Variants in TAF3 observed in about 807,000 individuals in gnomAD.
The protein encoded by TAF3 is TATA-box binding protein associated factor 3.
Under a neutral mutation model 80.6 loss-of-function variants are expected in TAF3, and 7 were observed. The ratio of observed to expected loss-of-function variants is 0.09; its 90% CI spans 0.05 to 0.16. TAF3 has a LOEUF of 0.16. Ranked by LOEUF, TAF3 falls within the 10% of genes least tolerant of loss-of-function variation. The pLI is 1.00. For synonymous variants in TAF3, 444 were observed against 446.1 expected, an observed-to-expected ratio of 1.00 and a Z score of 0.06; for missense variants, 921 against 1,140.2, an observed-to-expected ratio of 0.81 and a Z score of 2.77.
rs191306293 is a variant in TAF3, at chr10:7,884,504, A to G, written c.409+59944A>G. On this transcript the variant is annotated intron_variant, in intron 2 of 6. Coordinates refer to ENST00000344293, the MANE Select transcript of TAF3 (RefSeq NM_031923.4). ...TGGGTTCAGGCGATTCTCCTGTCTC[A>G]GCCTCCCGAGTAGCTAGGATTATAG... Among the ~76,000 whole-genome samples, 592 of 149,130 alleles carry G rather than the reference A, an allele frequency of 4.0e-3. 12 individuals carry two copies. Among genetic ancestry groups the G allele is most frequent in the East Asian group, 5.1e-3 (25 of 4,940 alleles).
chr10:8,003,027 A>AGCTATATATATATATATATATATATATAT (rs1178979462), intron 4 of TAF3, among the ~76,000 whole-genome samples: 5 of 152,242 alleles, frequency 3.3e-5, no homozygotes, highest in Non-Finnish European at 5.9e-5. Flanking sequence ...ATAGCCTCTC[A>AGCTATATATATATATATATATATATATAT]CTTTCAGCCC....
At chr10:7,858,406 A>T (rs1283341824) in intron 2 of TAF3, among the ~76,000 whole-genome samples, 1 of 152,142 alleles carries the variant, frequency 6.6e-6, no homozygotes, top group Non-Finnish European at 1.5e-5. Flanking sequence ...AACCTCCTGG[A>T]TGATACAATC....
In TAF3 at chr10:7,964,666, A is replaced by T; in HGVS notation, c.1156A>T (p.Thr386Ser). Residue 386 changes from threonine (T) to serine (S), a missense_variant, in exon 3 of 7, where the codon ACG becomes TCG. This residue lies in a region of TAF3 where 743 missense variants were observed against 821.0 expected (regional missense o/e 0.90). Coordinates refer to ENST00000344293, the MANE Select transcript of TAF3 (RefSeq NM_031923.4). This position sits in a 1 kb window ranked among gnomAD's most constrained non-coding sequence, Gnocchi z 4.1. ...QPKKAVVADKTIEASIDAVIA... is the reference protein window; with the variant it reads ...QPKKAVVADKSIEASIDAVIA... ...GAAAAAGGCTGTGGTAGCAGATAAA[A>T]CGATTGAGGCCTCTATCGATGCTGT... 6.2e-7 allele frequency: 1 copy of T among 1,614,130 alleles called. No individual in the cohort carries two copies. Among genetic ancestry groups the T allele is most frequent in the Non-Finnish European group, 8.5e-7 (1 of 1,180,022 alleles).
intron 2 of TAF3, among the ~76,000 whole-genome samples, chr10:7,853,512 A>T (rs543111898): frequency 6.6e-6 from 1 of 152,356 alleles, no homozygotes; most frequent in Admixed American, 6.5e-5. Context: ...CATTGTAAGT[A>T]GTACCAAAAA....
intron 2 of TAF3, among the ~76,000 whole-genome samples, chr10:7,952,778 T>G (rs1185904703): frequency 2.0e-5 from 3 of 152,210 alleles, no homozygotes; most frequent in Non-Finnish European, 4.4e-5. Context: ...CCTAATTGTC[T>G]TGTCTTTGCT....
At chr10:7,828,327 G>C (rs1265760370) in intron 2 of TAF3, among the ~76,000 whole-genome samples, 3 of 152,212 alleles carry the variant, frequency 2.0e-5, no homozygotes, top group Non-Finnish European at 4.4e-5. Flanking sequence ...AGCTGGGCTG[G>C]ATAGGTACTT....
chr10:7,948,028 G>A (rs1177596188), intron 2 of TAF3, among the ~76,000 whole-genome samples: 2 of 151,506 alleles, frequency 1.3e-5, no homozygotes, highest in Admixed American at 6.6e-5. Flanking sequence ...ATTGTCTCAA[G>A]TGGTTTTATT....
rs189719367 is a variant in TAF3 at position 7,844,490 on chromosome 10, C to T, written c.409+19930C>T. On this transcript the variant is annotated intron_variant, in intron 2 of 6. Transcript: ENST00000344293. ...CTCCTGGGTTCAAGCGATTCCCCTG[C>T]CTCAGCCTCCTGAGTAGTTGGGATT... 1.2e-3 allele frequency among the ~76,000 whole-genome samples: 187 copies of T among 151,698 alleles called. 1 individual carries two copies. The highest frequency in any genetic ancestry group is 9.9e-4 in the Non-Finnish European group (67 of 67,968).
At chr10:7,963,060 A>T (rs1005475237) in intron 2 of TAF3, among the ~76,000 whole-genome samples, 1 of 152,204 alleles carries the variant, frequency 6.6e-6, no homozygotes, top group African/African-American at 2.4e-5. Flanking sequence ...ACTCTAGCCG[A>T]AAAACCATTT....
At chr10:7,932,704 G>T (rs1342439854) in intron 2 of TAF3, among the ~76,000 whole-genome samples, 4 of 130,290 alleles carry the variant, frequency 3.1e-5, no homozygotes, top group African/African-American at 9.5e-5. Flanking sequence ...TGGAGAGAGG[G>T]TCTTGCTCTG....
At chr10:7,915,710 G>T (rs544028282) in intron 2 of TAF3, among the ~76,000 whole-genome samples, 1 of 151,732 alleles carries the variant, frequency 6.6e-6, no homozygotes, top group Non-Finnish European at 1.5e-5. Context: ...GGGCGCAGTG[G>T]CTCACGCTTG....
At chr10:7,864,046 A>C (rs1837184522) in intron 2 of TAF3, among the ~76,000 whole-genome samples, 1 of 152,100 alleles carries the variant, frequency 6.6e-6, no homozygotes, top group Admixed American at 6.6e-5. Flanking sequence ...ATCCTAAGCC[A>C]GTGTGGTAGG....
At chr10:7,917,308 G>A (rs370450539) in intron 2 of TAF3, among the ~76,000 whole-genome samples, 70 of 152,320 alleles carry the variant, frequency 4.6e-4, no homozygotes, top group African/African-American at 9.4e-4. Flanking sequence ...GAAGCAAATC[G>A]AAGGGAAGAA....
chr10:7,932,024 A>G (rs1183367243), intron 2 of TAF3, among the ~76,000 whole-genome samples: 1 of 152,220 alleles, frequency 6.6e-6, no homozygotes, highest in Non-Finnish European at 1.5e-5. Context: ...AAATTATTAT[A>G]CCACCCTATA....
At chr10:7,963,322 A>G (rs449682) in intron 2 of TAF3, among the ~76,000 whole-genome samples, 127,346 of 152,150 alleles carry the variant, frequency 0.84, 53,523 homozygotes, top group East Asian at 0.96. Context: ...GAAAGATGGC[A>G]TTTACTGGTT....
chr10:7,931,632 T>G (rs1168459844), intron 2 of TAF3, among the ~76,000 whole-genome samples: 3 of 152,240 alleles, frequency 2.0e-5, no homozygotes, highest in African/African-American at 7.2e-5. Flanking sequence ...TGAAGAGTCT[T>G]AAATGGATTT....
At chr10:7,961,327 A>T (rs1021051863) in intron 2 of TAF3, among the ~76,000 whole-genome samples, 9 of 152,200 alleles carry the variant, frequency 5.9e-5, no homozygotes, top group African/African-American at 2.2e-4. Context: ...TGAGGTTGTG[A>T]TGTTCTTTAT....
intron 2 of TAF3, among the ~76,000 whole-genome samples, chr10:7,909,100 A>G (rs759006738): frequency 3.9e-5 from 6 of 152,224 alleles, no homozygotes; most frequent in Non-Finnish European, 8.8e-5. Context: ...GAGGCCTGCC[A>G]GGGGCCATTG....
At chr10:7,865,616 T>C (rs1837206556) in intron 2 of TAF3, among the ~76,000 whole-genome samples, 1 of 152,246 alleles carries the variant, frequency 6.6e-6, no homozygotes, top group Non-Finnish European at 1.5e-5. Context: ...GTCGCTGGCT[T>C]TAGCAGCCCC....
Sources: allele counts gnomAD v4.1 joint callset (sites outside exome capture counted in the v4.1 genomes callset), GRCh38; gene constraint gnomAD v4.1.1; regional missense constraint gnomAD v4.1.1; non-coding constraint Gnocchi (gnomAD v3.1); transcripts MANE v1.5; gene names NCBI Gene and HGNC (gene_info 2026-07-23, HGNC 2026-07-21).